The following PCDHA2 variants were observed in gnomAD, a reference collection of about 807,000 sequenced individuals.
PCDHA2 encodes the protein protocadherin alpha-2.
PCDHA2 carries 58 observed loss-of-function variants against 66.0 expected under a neutral mutation model. The observed-to-expected ratio is 0.88, with a 90% confidence interval of 0.71 to 1.09. The LOEUF (loss-of-function observed/expected upper bound fraction) is 1.09. PCDHA2 is among the 50% of genes least tolerant of loss of function. The probability of loss-of-function intolerance (pLI) is 0.00; values close to 1 mark genes in which losing one functional copy is unlikely to be tolerated. For synonymous variants in PCDHA2, 634 were observed against 554.0 expected, an observed-to-expected ratio of 1.14 and a Z score of -2.03; for missense variants, 1,267 against 1,242.3, an observed-to-expected ratio of 1.02 and a Z score of -0.30.
At chr5:140,902,185 TTC>T (rs370111655) in intron 1 of PCDHA2, among the ~76,000 whole-genome samples, 3 of 150,766 alleles carry the variant, frequency 2.0e-5, no homozygotes, top group South Asian at 2.1e-4. Flanking sequence ...CCTTTATGTC[TTC>T]TCTCTCTCTC....
At chr5:140,852,885 A>AT (rs2150523673) in intron 1 of PCDHA2, 18,210 of 741,434 alleles carry the variant, frequency 0.025, 18 homozygotes, top group Non-Finnish European at 0.027. Context: ...CATAAAACGT[A>AT]TTTTTTTTTT....
At chr5:141,004,213 GGTCA>G (rs3842022) in intron 3 of PCDHA2, among the ~76,000 whole-genome samples, 2 of 152,208 alleles carry the variant, frequency 1.3e-5, no homozygotes, top group East Asian at 3.8e-4. Context: ...CAGATTAGGA[GGTCA>G]GTCAGTGTTT....
At chr5:140,875,769 C>A (rs782227729) in intron 1 of PCDHA2, 1 of 1,614,224 alleles carries the variant, frequency 6.2e-7, no homozygotes, top group South Asian at 1.1e-5. Context: ...GCGGGCGGAG[C>A]GCGGAGTGCA....
At chr5:140,992,514 G>A (rs1256283066) in intron 3 of PCDHA2, among the ~76,000 whole-genome samples, 1 of 152,176 alleles carries the variant, frequency 6.6e-6, no homozygotes, top group Non-Finnish European at 1.5e-5. Flanking sequence ...CTGGGGCATG[G>A]TAGCTAATGG....
intron 1 of PCDHA2, among the ~76,000 whole-genome samples, chr5:140,958,345 C>G (rs1220590485): frequency 6.6e-6 from 1 of 152,044 alleles, no homozygotes; most frequent in African/African-American, 2.4e-5. Flanking sequence ...ACAGGAAGTT[C>G]ACAGTCTGAC....
intron 1 of PCDHA2, among the ~76,000 whole-genome samples, chr5:140,952,443 C>T (rs1264311770): frequency 6.6e-6 from 1 of 152,128 alleles, no homozygotes; most frequent in East Asian, 1.9e-4. Flanking sequence ...AGGCATAATA[C>T]AGCCAGGCTC....
Position 140,836,500 on chromosome 5 carries a change from C to A in PCDHA2, c.2388+39148C>A, listed in dbSNP as rs2150262394. 99 of 1,613,882 alleles carry A rather than the reference C, an allele frequency of 6.1e-5. No individual in the cohort carries two copies. The highest frequency in any genetic ancestry group is 8.1e-5 in the Non-Finnish European group (95 of 1,179,878). Reference sequence around the variant, plus strand: ...GTGTACCTGATCATCGCCATCTGCGCGGTGTCCAGTCTGTTGGTGCTTACC... The same window carrying A: ...GTGTACCTGATCATCGCCATCTGCGAGGTGTCCAGTCTGTTGGTGCTTACC... On this transcript the variant is annotated intron_variant, in intron 1 of 3. Transcript: ENST00000526136.
intron 1 of PCDHA2, chr5:140,836,415 G>T (rs2150260164): frequency 3.1e-6 from 5 of 1,613,812 alleles, no homozygotes; most frequent in Admixed American, 1.7e-5. Context: ...GGCACCAAAG[G>T]CGTCGTCGCG....
chr5:140,850,626 T>C (rs1554144591), intron 1 of PCDHA2: 1 of 1,598,444 alleles, frequency 6.3e-7, no homozygotes, highest in African/African-American at 1.3e-5. Flanking sequence ...GTCTAGCCTG[T>C]TGGTTCTCAC....
chr5:140,833,353 G>C (rs891169928), intron 1 of PCDHA2, among the ~76,000 whole-genome samples: 3 of 152,096 alleles, frequency 2.0e-5, no homozygotes, highest in African/African-American at 4.8e-5. Flanking sequence ...TCCAGAAAAC[G>C]AACACAGTAA....
chr5:140,942,206 T>G (rs916002360), intron 1 of PCDHA2, among the ~76,000 whole-genome samples: 1 of 152,152 alleles, frequency 6.6e-6, no homozygotes, highest in African/African-American at 2.4e-5. Context: ...TTTTTGAGCA[T>G]AAGATATTTA....
intron 1 of PCDHA2, chr5:140,866,649 T>C (rs1554160460): frequency 6.6e-6 from 1 of 152,162 alleles, no homozygotes; most frequent in South Asian, 2.1e-4. Context: ...AAAATTTATT[T>C]ATGTGTTTTC....
At chr5:140,836,074 C>G in intron 1 of PCDHA2, 2 of 1,613,694 alleles carry the variant, frequency 1.2e-6, no homozygotes, top group Non-Finnish European at 1.7e-6. Flanking sequence ...AACGCGCCGG[C>G]ACTGCTGGCG....
At chr5:140,944,051 C>G (rs1383787401) in intron 1 of PCDHA2, among the ~76,000 whole-genome samples, 1 of 152,086 alleles carries the variant, frequency 6.6e-6, no homozygotes, top group East Asian at 1.9e-4. Context: ...GATTGGGATA[C>G]AAAAAGGTTT....
At chr5:140,856,621 A>T in intron 1 of PCDHA2, 1 of 1,597,974 alleles carries the variant, frequency 6.3e-7, no homozygotes, top group Non-Finnish European at 8.6e-7. Context: ...ACAAATTCCC[A>T]GTGCTTGTTC....
chr5:140,990,157 T>C (rs113813870), intron 3 of PCDHA2, among the ~76,000 whole-genome samples: 6 of 152,050 alleles, frequency 3.9e-5, no homozygotes, highest in African/African-American at 1.2e-4. Flanking sequence ...AATAGAAAGT[T>C]AGGGTATGAA....
chr5:140,876,022 A>G lies in PCDHA2; in HGVS notation c.2388+78670A>G, dbSNP rs782132751. ...TGAGAATTTTGAGCTTAAAATAAAA[A>G]CAAAAAAAGATAAAAGTATATTGCC... On this transcript the variant is annotated intron_variant, in intron 1 of 3. Coordinates refer to ENST00000526136, the MANE Select transcript of PCDHA2 (RefSeq NM_018905.3). 1.7e-5 allele frequency: 28 copies of G among 1,613,632 alleles called. No homozygotes were observed. The highest frequency in any genetic ancestry group is 2.2e-5 in the Non-Finnish European group (26 of 1,179,850).
chr5:140,989,127 A>G (rs914524582), intron 3 of PCDHA2: 2 of 152,216 alleles, frequency 1.3e-5, no homozygotes, highest in Non-Finnish European at 2.9e-5. Context: ...TAGAAAAATA[A>G]GACACTTTAT....
chr5:140,833,812 C>G (rs1772666935), intron 1 of PCDHA2, among the ~76,000 whole-genome samples: 1 of 152,102 alleles, frequency 6.6e-6, no homozygotes, highest in Admixed American at 6.6e-5. Flanking sequence ...TTCTTGAGAT[C>G]CTGGGTCCCT....
Sources: allele counts gnomAD v4.1 joint callset (sites outside exome capture counted in the v4.1 genomes callset), GRCh38; gene constraint gnomAD v4.1.1; transcripts MANE v1.5; gene names NCBI Gene and HGNC (gene_info 2026-07-23, HGNC 2026-07-21).